MAP2: variants seen among roughly 807,000 people sequenced by gnomAD.
MAP2 encodes microtubule-associated protein 2.
In MAP2, 14 loss-of-function variants were observed where a neutral mutation model predicts 137.6. The observed-to-expected ratio is 0.10, with a 90% CI of 0.07 to 0.16. The LOEUF is 0.16. Among genes scored for constraint, MAP2 ranks in the 10% least tolerant of loss-of-function variants. MAP2 has a pLI of 1.00. For missense variants in MAP2, 2,088 were observed against 2,191.5 expected, an observed-to-expected ratio of 0.95 and a Z score of 0.94; for synonymous variants, 786 against 782.3, an observed-to-expected ratio of 1.00 and a Z score of -0.08.
At chr2:209,677,403 TAGACAGAC>T (rs71395564) in intron 5 of MAP2, among the ~76,000 whole-genome samples, 8,551 of 146,412 alleles carry the variant, frequency 0.058, 542 homozygotes, top group South Asian at 0.23. Flanking sequence ...GATAGATAGA[TAGACAGAC>T]AGACAGACAG....
chr2:209,694,516 G>A lies in MAP2; in HGVS notation c.2346G>A (p.Ala782=), dbSNP rs746640079. The A allele has an allele frequency of 6.2e-5, 100 of 1,613,962 alleles. No homozygotes were observed. In the Admixed American group the frequency reaches 1.3e-3, roughly 21 times the overall value. ...CTACTGGAGAAGAAAGTACTCAAGC[G>A]GAGATATCATGTGAGTCTCCTTTCC... ...VKATGEESTQ[A]EISCESPFLA... Residue 782 remains alanine (A), a synonymous_variant, in exon 8 of 16, where the codon GCG becomes GCA. Coordinates refer to ENST00000682079, the MANE Select transcript of MAP2 (RefSeq NM_001375505.1).
At chr2:209,658,012 A>G (rs1255075516) in intron 5 of MAP2, among the ~76,000 whole-genome samples, 1 of 152,192 alleles carries the variant, frequency 6.6e-6, no homozygotes, top group Non-Finnish European at 1.5e-5. Context: ...TTTATTGAAG[A>G]AAGCAAGAGG....
chr2:209,681,824 G>A (rs74453170), intron 7 of MAP2, among the ~76,000 whole-genome samples: 2,580 of 151,684 alleles, frequency 0.017, 58 homozygotes, highest in African/African-American at 0.052. Context: ...CTTTGATTTC[G>A]TAAATACAAA....
At chr2:209,540,225 A>G (rs2066705887) in intron 2 of MAP2, among the ~76,000 whole-genome samples, 1 of 151,656 alleles carries the variant, frequency 6.6e-6, no homozygotes. Context: ...TTCCATAATT[A>G]TAGGTCTGAG....
intron 1 of MAP2, among the ~76,000 whole-genome samples, chr2:209,444,653 A>G (rs756342816): frequency 6.6e-6 from 1 of 151,500 alleles, no homozygotes; most frequent in Non-Finnish European, 1.5e-5. Flanking sequence ...CATTACAGTA[A>G]TTACTAAAGG....
At chr2:209,717,792 T>C (rs2068325436) in intron 13 of MAP2, among the ~76,000 whole-genome samples, 2 of 152,206 alleles carry the variant, frequency 1.3e-5, no homozygotes, top group Non-Finnish European at 2.9e-5. Flanking sequence ...CAATGAGGCA[T>C]GGTCTCTGCA....
At chr2:209,595,034 C>G (rs1334344682) in intron 3 of MAP2, among the ~76,000 whole-genome samples, 1 of 152,098 alleles carries the variant, frequency 6.6e-6, no homozygotes, top group African/African-American at 2.4e-5. Context: ...AAGTAAAACT[C>G]CTTCTACAAT....
At chr2:209,680,727 T>C (rs1273592277) in intron 6 of MAP2, 23 bp from the exon 7 acceptor site, 1 of 1,603,048 alleles carries the variant, frequency 6.2e-7, no homozygotes, top group African/African-American at 1.3e-5. Context: ...TTGCATCTCA[T>C]TTTTCTATTG....
At chr2:209,463,356 A>G (rs952222822) in intron 1 of MAP2, among the ~76,000 whole-genome samples, 1 of 152,178 alleles carries the variant, frequency 6.6e-6, no homozygotes, top group African/African-American at 2.4e-5. Flanking sequence ...AACTTGTCTC[A>G]TGAAAGTGTT....
intron 3 of MAP2, among the ~76,000 whole-genome samples, chr2:209,592,916 A>G (rs770279629): frequency 6.6e-6 from 1 of 152,034 alleles, no homozygotes; most frequent in Non-Finnish European, 1.5e-5. Context: ...AGAACCTATA[A>G]TGTCTCCTTT....
At position 209,716,746 on chromosome 2, in the gene MAP2, CT is replaced by C. The variant is rs59867742; in HGVS notation, c.5073+6494del. 1.3e-4 allele frequency among the ~76,000 whole-genome samples: 20 copies of C among 151,386 alleles called. No individual in the cohort carries two copies. In the East Asian group the frequency reaches 3.9e-3, roughly 29 times the overall value. Reference sequence around the variant, plus strand: ...CTTAGGTACTGATTTTTTTTTTGTCCTTATTTGTAGAATGGAAGCAACAAAA... The same window carrying C: ...CTTAGGTACTGATTTTTTTTTTGTCCTATTTGTAGAATGGAAGCAACAAAA... On this transcript the variant is annotated intron_variant, in intron 13 of 15. Coordinates refer to ENST00000682079, the MANE Select transcript of MAP2 (RefSeq NM_001375505.1).
At position 209,653,496 on chromosome 2, in the gene MAP2, A is replaced by G. The variant is rs2094935780; in HGVS notation, c.262+64A>G. On this transcript the variant is annotated intron_variant, in intron 5 of 15. Coordinates refer to ENST00000682079, the MANE Select transcript of MAP2 (RefSeq NM_001375505.1). ...TGCTTTGAAGTCAGTTTAGTCTGAA[A>G]GTGAATTAATATACAGCACTGATCC... 11 of 1,505,344 alleles carry G rather than the reference A, an allele frequency of 7.3e-6. No individual in the cohort carries two copies. The East Asian group carries it at 2.5e-4, about 34-fold the overall frequency. 93.2% of individuals were successfully genotyped at this position (1,505,344 alleles called of 1,614,324 possible). A position where few individuals can be genotyped will look rare whatever the true frequency, so the allele number is the denominator to read the frequency against.
At chr2:209,650,113 G>A (rs1300405621) in intron 4 of MAP2, among the ~76,000 whole-genome samples, 1 of 152,108 alleles carries the variant, frequency 6.6e-6, no homozygotes, top group African/African-American at 2.4e-5. Context: ...TCTATGGCAG[G>A]GGGATGAGAG....
At chr2:209,438,840 G>C (rs1697031076) in intron 1 of MAP2, among the ~76,000 whole-genome samples, 1 of 150,842 alleles carries the variant, frequency 6.6e-6, no homozygotes, top group Non-Finnish European at 1.5e-5. Context: ...ATAAAATCTA[G>C]GTATACATAT....
chr2:209,653,052 G>A (rs1199511297), intron 4 of MAP2, 90 bp from the exon 5 acceptor site: 26 of 967,352 alleles, frequency 2.7e-5, no homozygotes, highest in African/African-American at 1.8e-4. Flanking sequence ...AAAGCCACAC[G>A]GTTTGCTACA....
At chr2:209,703,047 T>A (rs1349884475) in intron 11 of MAP2, among the ~76,000 whole-genome samples, 1 of 152,102 alleles carries the variant, frequency 6.6e-6, no homozygotes, top group Non-Finnish European at 1.5e-5. Context: ...CCAATTATAC[T>A]TGCAGACAGT....
At chr2:209,501,037 C>CAAA (rs34783349) in intron 1 of MAP2, among the ~76,000 whole-genome samples, 1,272 of 115,024 alleles carry the variant, frequency 0.011, 37 homozygotes, top group South Asian at 0.039. Flanking sequence ...GACCCTGTCT[C>CAAA]AAAAAAAAAA....
intron 3 of MAP2, among the ~76,000 whole-genome samples, chr2:209,608,262 A>G (rs1176986646): frequency 6.6e-6 from 1 of 151,960 alleles, no homozygotes; most frequent in Admixed American, 6.6e-5. Flanking sequence ...AGAGGATATT[A>G]TTAGTGGCTA....
intron 3 of MAP2, among the ~76,000 whole-genome samples, chr2:209,588,313 T>G (rs953697651): frequency 6.6e-6 from 1 of 151,036 alleles, no homozygotes; most frequent in African/African-American, 2.4e-5. Flanking sequence ...GTAAGTTTTG[T>G]TTTTTGTTTT....
Sources: gnomAD v4.1 joint callset for allele counts (sites outside exome capture counted in the v4.1 genomes callset) on GRCh38, gnomAD v4.1.1 for gene constraint, MANE v1.5 for transcripts, NCBI Gene and HGNC (gene_info 2026-07-23, HGNC 2026-07-21) for gene names.